CSMD2: variants seen among roughly 807,000 people sequenced by gnomAD.
The protein encoded by CSMD2 is CUB and sushi domain-containing protein 2.
In CSMD2, 130 loss-of-function variants were observed where a neutral mutation model predicts 398.5. The ratio of observed to expected loss-of-function variants is 0.33; its 90% CI spans 0.28 to 0.38. CSMD2 has a LOEUF of 0.38. Among genes scored for constraint, CSMD2 ranks in the 10% least tolerant of loss-of-function variants. The pLI is 1.00. For synonymous variants in CSMD2, 1,828 were observed against 1,908.5 expected, an observed-to-expected ratio of 0.96 and a Z score of 1.10; for missense variants, 3,829 against 4,764.9, an observed-to-expected ratio of 0.80 and a Z score of 5.78.
rs535020645 is a variant in CSMD2, at chr1:33,624,760, T to A, written c.5501-117A>T. On this transcript the variant is annotated intron_variant, in intron 34 of 70. Coordinates refer to ENST00000373381, the MANE Select transcript of CSMD2 (RefSeq NM_001281956.2). The surrounding 1 kb of genome is among the most constrained non-coding windows in gnomAD (Gnocchi z 4.7). The stretch of plus-strand genomic sequence containing the variant: ...TTGTCCTCCTCCCCATGGGGGTGTC[T>A]CCCTAATGTCCCCAGTCCTGCCTTC... 2.2e-4 allele frequency: 287 copies of A among 1,330,220 alleles called. No individual in the cohort carries two copies. Among genetic ancestry groups the A allele is most frequent in the Non-Finnish European group, 2.8e-4 (276 of 980,566 alleles). 82.4% of individuals were successfully genotyped at this position (1,330,220 alleles called of 1,614,324 possible).
At chr1:33,616,481 G>A (rs554725558) in intron 39 of CSMD2, among the ~76,000 whole-genome samples, 3 of 152,246 alleles carry the variant, frequency 2.0e-5, no homozygotes, top group Non-Finnish European at 2.9e-5. Flanking sequence ...CAAGTGATCC[G>A]CCTGACTCGG....
At chr1:34,070,191 G>A (rs1007702455) in intron 2 of CSMD2, among the ~76,000 whole-genome samples, 1 of 152,200 alleles carries the variant, frequency 6.6e-6, no homozygotes, top group Non-Finnish European at 1.5e-5. Context: ...TACACTGGAG[G>A]AAGAGTGCAG....
intron 6 of CSMD2, among the ~76,000 whole-genome samples, chr1:33,833,523 T>C (rs1204744719): frequency 6.9e-6 from 1 of 145,684 alleles, no homozygotes; most frequent in Non-Finnish European, 1.5e-5. Context: ...GAGCTATCTA[T>C]GACAAACCCA....
In CSMD2 at chr1:33,559,760, A is replaced by G. The variant is rs1426791524; in HGVS notation, c.8381-287T>C. On this transcript the variant is annotated intron_variant, in intron 53 of 70. Coordinates refer to ENST00000373381, the MANE Select transcript of CSMD2 (RefSeq NM_001281956.2). The surrounding 1 kb of genome is among the most constrained non-coding windows in gnomAD (Gnocchi z 4.0). The stretch of plus-strand genomic sequence containing the variant: ...CTCTGTGGTCTGAGCGGTCAGTGCT[A>G]TCTTACTTTCCTTGCCTCTGATGCC... 2.0e-5 allele frequency among the ~76,000 whole-genome samples: 3 copies of G among 152,026 alleles called. No individual in the cohort carries two copies. The highest frequency in any genetic ancestry group is 4.4e-5 in the Non-Finnish European group (3 of 67,998).
At chr1:33,876,266 C>A (rs1453773671) in intron 5 of CSMD2, among the ~76,000 whole-genome samples, 1 of 152,160 alleles carries the variant, frequency 6.6e-6, no homozygotes, top group African/African-American at 2.4e-5. Flanking sequence ...GCCAGCCTGA[C>A]CATGAGGGGA....
intron 13 of CSMD2, among the ~76,000 whole-genome samples, chr1:33,750,877 G>A (rs958049198): frequency 1.3e-5 from 2 of 152,118 alleles, no homozygotes; most frequent in Non-Finnish European, 2.9e-5. Context: ...GACTTTATTA[G>A]TATTACACCA....
At chr1:33,710,856 GCCACATGTC>G (rs1400623580) in intron 21 of CSMD2, among the ~76,000 whole-genome samples, 2 of 152,108 alleles carry the variant, frequency 1.3e-5, no homozygotes, top group Admixed American at 1.3e-4. Context: ...GAAGATGGGG[GCCACATGTC>G]CCACCACCAA....
intron 4 of CSMD2, among the ~76,000 whole-genome samples, chr1:33,923,186 T>C (rs1644008989): frequency 6.6e-6 from 1 of 152,172 alleles, no homozygotes; most frequent in Non-Finnish European, 1.5e-5. Flanking sequence ...CCCTCCCAAA[T>C]CTCACGTTGA....
intron 2 of CSMD2, among the ~76,000 whole-genome samples, chr1:34,075,170 C>G (rs1447608905): frequency 1.3e-5 from 2 of 152,210 alleles, no homozygotes; most frequent in African/African-American, 4.8e-5. Context: ...AATAGCCGTT[C>G]AGTGTCCTCA....
chr1:33,559,194 G>T lies in CSMD2; in HGVS notation c.8554+106C>A. On this transcript the variant is annotated intron_variant, in intron 54 of 70. Coordinates refer to ENST00000373381, the MANE Select transcript of CSMD2 (RefSeq NM_001281956.2). This position sits in a 1 kb window ranked among gnomAD's most constrained non-coding sequence, Gnocchi z 4.0. ...TTCTCTGCTCCATCTTCCCTATCTG[G>T]ATCAGAATGATGCCAGAATGAATTC... is the stretch of plus-strand genomic sequence containing the variant. The T allele has an allele frequency of 9.4e-7, 1 of 1,058,728 alleles. No homozygotes were observed. The highest frequency in any genetic ancestry group is 1.4e-6 in the Non-Finnish European group (1 of 739,976). 65.6% of individuals were successfully genotyped at this position (1,058,728 alleles called of 1,614,324 possible).
At chr1:33,865,061 T>A (rs1639918661) in intron 5 of CSMD2, among the ~76,000 whole-genome samples, 1 of 150,296 alleles carries the variant, frequency 6.7e-6, no homozygotes, top group African/African-American at 2.5e-5. Context: ...CTTGGGCCAC[T>A]GGGTGGGAGC....
chr1:33,602,576 C>G, intron 42 of CSMD2, 30 bp from the exon 43 acceptor site: 1 of 1,542,452 alleles, frequency 6.5e-7, no homozygotes, highest in Non-Finnish European at 8.7e-7. Context: ...AACGTAAGTG[C>G]AGGGCCTCGG....
intron 27 of CSMD2, among the ~76,000 whole-genome samples, chr1:33,657,360 G>C (rs1433654828): frequency 6.6e-6 from 1 of 152,204 alleles, no homozygotes; most frequent in African/African-American, 2.4e-5. Context: ...TGCAAGCCCA[G>C]CTACTTGGGA....
At chr1:34,036,566 C>A (rs1473872695) in intron 2 of CSMD2, among the ~76,000 whole-genome samples, 2 of 152,098 alleles carry the variant, frequency 1.3e-5, no homozygotes, top group Non-Finnish European at 2.9e-5. Context: ...ATGAGGAGAT[C>A]TTTGGGTGAT....
intron 9 of CSMD2, among the ~76,000 whole-genome samples, chr1:33,811,389 C>T (rs756786387): frequency 7.9e-5 from 12 of 152,160 alleles, no homozygotes. Context: ...TTCCTTCCTC[C>T]GTGACCCCCT....
Position 33,670,728 on chromosome 1 carries a change from T to C in CSMD2, c.4053-7636A>G, listed in dbSNP as rs138812459. 5.7e-3 allele frequency among the ~76,000 whole-genome samples: 873 copies of C among 152,308 alleles called. 3 individuals carry two copies. The highest frequency in any genetic ancestry group is 0.01 in the Middle Eastern group (3 of 294). ...TACAGTGATACTGATAGTCATACTTTAAATCTATAAATAGTAAGTACTAGG... is the reference window on the plus strand; with the variant it reads ...TACAGTGATACTGATAGTCATACTTCAAATCTATAAATAGTAAGTACTAGG... On this transcript the variant is annotated intron_variant, in intron 25 of 70. Coordinates refer to ENST00000373381, the MANE Select transcript of CSMD2 (RefSeq NM_001281956.2).
At chr1:33,828,806 T>C (rs1659123921) in intron 6 of CSMD2, among the ~76,000 whole-genome samples, 1 of 152,230 alleles carries the variant, frequency 6.6e-6, no homozygotes, top group Admixed American at 6.5e-5. Context: ...AAAGACTGCC[T>C]AACCTAATGG....
At chr1:33,751,801 A>G (rs1329190601) in intron 13 of CSMD2, among the ~76,000 whole-genome samples, 1 of 145,870 alleles carries the variant, frequency 6.9e-6, no homozygotes, top group Non-Finnish European at 1.5e-5. Flanking sequence ...TTTTTTTTGT[A>G]TTTTTAGTAG....
intron 12 of CSMD2, among the ~76,000 whole-genome samples, chr1:33,787,607 G>A (rs1041582301): frequency 1.3e-5 from 2 of 152,070 alleles, no homozygotes; most frequent in South Asian, 2.1e-4. Flanking sequence ...CCTCCATCTC[G>A]CCACTAGAGC....
Sources: gnomAD v4.1 joint callset for allele counts (sites outside exome capture counted in the v4.1 genomes callset) on GRCh38, gnomAD v4.1.1 for gene constraint, Gnocchi (gnomAD v3.1) non-coding constraint, MANE v1.5 for transcripts, NCBI Gene and HGNC (gene_info 2026-07-23, HGNC 2026-07-21) for gene names.